The following DPP10 variants were observed in gnomAD, a reference collection of about 807,000 sequenced individuals.
DPP10 encodes the protein inactive dipeptidyl peptidase 10.
Under a neutral mutation model 120.9 loss-of-function variants are expected in DPP10, and 33 were observed. The ratio of observed to expected loss-of-function variants is 0.27; its 90% CI spans 0.21 to 0.37. The LOEUF is 0.37. DPP10 is among the 10% of genes least tolerant of loss of function. The pLI is 1.00. For synonymous variants in DPP10, 337 were observed against 326.1 expected (o/e 1.03, Z -0.36); for missense variants, 816 against 942.8 (o/e 0.87, Z 1.76).
intron 1 of DPP10, among the ~76,000 whole-genome samples, chr2:114,624,112 C>G (rs980575672): frequency 6.6e-6 from 1 of 151,908 alleles, no homozygotes; most frequent in Non-Finnish European, 1.5e-5. Flanking sequence ...ATTCACAAAA[C>G]TGTGGAAGCA....
At chr2:114,772,691 G>C (rs1170402213) in intron 1 of DPP10, among the ~76,000 whole-genome samples, 1 of 147,166 alleles carries the variant, frequency 6.8e-6, no homozygotes, top group African/African-American at 2.5e-5. Context: ...AAGCATAAAT[G>C]TATTGACTCA....
chr2:115,575,689 C>A (rs933046648), intron 5 of DPP10, among the ~76,000 whole-genome samples: 3 of 152,122 alleles, frequency 2.0e-5, no homozygotes, highest in African/African-American at 7.2e-5. Flanking sequence ...CCACAACCCC[C>A]AGAACTTGTG....
At chr2:115,486,783 A>C (rs555020550) in intron 3 of DPP10, among the ~76,000 whole-genome samples, 1 of 152,144 alleles carries the variant, frequency 6.6e-6, no homozygotes, top group East Asian at 1.9e-4. Flanking sequence ...CAAATAATCC[A>C]AAGAATGAAA....
intron 1 of DPP10, among the ~76,000 whole-genome samples, chr2:115,127,459 G>T (rs1323116738): frequency 2.0e-5 from 3 of 152,052 alleles, no homozygotes; most frequent in Non-Finnish European, 4.4e-5. Flanking sequence ...CTCTGTCTTT[G>T]CCTACCATAC....
Position 114,470,732 on chromosome 2 carries a change from T to C in DPP10, c.60+27894T>C, listed in dbSNP as rs576536849. ...TCTTCAATTAAATTGTGAGCTCTTT[T>C]AAGTAAGGAATTATATTTTATCTTC... On this transcript the variant is annotated intron_variant, in intron 1 of 25. Coordinates refer to ENST00000410059, the MANE Select transcript of DPP10 (RefSeq NM_020868.6). Among the ~76,000 whole-genome samples the C allele has an allele frequency of 7.9e-5, 12 of 152,374 alleles. No individual in the cohort carries two copies. The East Asian group carries it at 1.3e-3, about 17-fold the overall frequency.
At chr2:114,728,971 T>G (rs949697221) in intron 1 of DPP10, among the ~76,000 whole-genome samples, 1 of 152,174 alleles carries the variant, frequency 6.6e-6, no homozygotes, top group Non-Finnish European at 1.5e-5. Flanking sequence ...ACTTTGTAAT[T>G]TTTGGTGTTT....
At chr2:115,023,698 A>G (rs759976085) in intron 1 of DPP10, among the ~76,000 whole-genome samples, 3 of 152,136 alleles carry the variant, frequency 2.0e-5, no homozygotes, top group African/African-American at 2.4e-5. Flanking sequence ...GCACATGTTT[A>G]TAGCAGCACT....
intron 1 of DPP10, among the ~76,000 whole-genome samples, chr2:114,980,776 C>A (rs565559891): frequency 7.0e-4 from 106 of 152,188 alleles, no homozygotes; most frequent in African/African-American, 2.5e-3. Flanking sequence ...TAAGCATGAG[C>A]CACTGCACCC....
At chr2:115,768,103 C>A (rs1681012813) in intron 12 of DPP10, among the ~76,000 whole-genome samples, 194 bp from the exon 13 acceptor site, 1 of 152,118 alleles carries the variant, frequency 6.6e-6, no homozygotes, top group Admixed American at 6.6e-5. Flanking sequence ...CAACCACATA[C>A]ATATGTAATG....
intron 1 of DPP10, among the ~76,000 whole-genome samples, chr2:114,806,970 C>T (rs1684788372): frequency 6.6e-6 from 1 of 152,206 alleles, no homozygotes. Context: ...CCATTGAGTA[C>T]AGAATCAGTC....
intron 3 of DPP10, among the ~76,000 whole-genome samples, chr2:115,400,820 C>A (rs748907136): frequency 6.6e-6 from 1 of 152,160 alleles, no homozygotes; most frequent in African/African-American, 2.4e-5. Context: ...CATCTTCACT[C>A]CCCACGTCAA....
chr2:115,254,439 A>T (rs2058888457), intron 1 of DPP10, among the ~76,000 whole-genome samples: 1 of 152,154 alleles, frequency 6.6e-6, no homozygotes, highest in Non-Finnish European at 1.5e-5. Context: ...TTGGGTGGGG[A>T]TATAGCCAAA....
chr2:115,742,095 T>C (rs1404706375), intron 9 of DPP10, among the ~76,000 whole-genome samples: 1 of 152,180 alleles, frequency 6.6e-6, no homozygotes. Context: ...TTTCCACTTG[T>C]TTGTTTTTTT....
At chr2:114,639,433 G>A (rs1056474695) in intron 1 of DPP10, among the ~76,000 whole-genome samples, 8 of 151,808 alleles carry the variant, frequency 5.3e-5, no homozygotes, top group African/African-American at 1.9e-4. Flanking sequence ...CTATATCACA[G>A]TAGAAGCTAA....
chr2:115,004,349 T>TGGCTCCTCCTC, intron 1 of DPP10, among the ~76,000 whole-genome samples: 1 of 151,060 alleles, frequency 6.6e-6, no homozygotes, highest in East Asian at 1.9e-4. Flanking sequence ...AAAAGACAAA[T>TGGCTCCTCCTC]ATCTAGGGGG....
chr2:114,608,010 T>A (rs1207251095), intron 1 of DPP10, among the ~76,000 whole-genome samples: 2 of 152,210 alleles, frequency 1.3e-5, no homozygotes, highest in Non-Finnish European at 2.9e-5. Context: ...CTCAAGGTTT[T>A]CATCCACTTT....
rs188681824 is a variant in DPP10, at chr2:114,937,778, G to C, written c.61-371461G>C. On this transcript the variant is annotated intron_variant, in intron 1 of 25. Coordinates refer to ENST00000410059, the MANE Select transcript of DPP10 (RefSeq NM_020868.6). ...TGATCTCGGAAGCTAAGCAAGGTCG[G>C]GCCTGGCTAGTACTTGGATGGGAGA... Among the ~76,000 whole-genome samples, 12 of 152,182 alleles carry C rather than the reference G, an allele frequency of 7.9e-5. No individual in the cohort carries two copies. The East Asian group carries it at 1.9e-3, about 25-fold the overall frequency.
chr2:115,153,953 C>CT (rs2051731098), intron 1 of DPP10, among the ~76,000 whole-genome samples: 1 of 152,246 alleles, frequency 6.6e-6, no homozygotes, highest in Admixed American at 6.5e-5. Context: ...AGCAATTCCC[C>CT]TTACCCTCTT....
chr2:115,736,855 T>G (rs968266161), intron 8 of DPP10, among the ~76,000 whole-genome samples: 1 of 152,152 alleles, frequency 6.6e-6, no homozygotes, highest in African/African-American at 2.4e-5. Context: ...AGTAAGTCGA[T>G]TCACTTGTTT....
Sources: allele counts gnomAD v4.1 joint callset (sites outside exome capture counted in the v4.1 genomes callset), GRCh38; gene constraint gnomAD v4.1.1; transcripts MANE v1.5; gene names NCBI Gene and HGNC (gene_info 2026-07-23, HGNC 2026-07-21).